Variants in NDEL1 observed in about 807,000 individuals in gnomAD.
NDEL1 encodes nudE neurodevelopment protein 1 like 1, also known as nuclear distribution protein nudE-like 1.
NDEL1 carries 9 observed loss-of-function variants against 45.7 expected under a neutral mutation model. That is an observed-to-expected ratio of 0.20 (90% CI 0.12 to 0.34). The LOEUF is 0.34. Ranked by LOEUF, NDEL1 falls within the 10% of genes least tolerant of loss-of-function variation. The pLI is 1.00. For synonymous variants in NDEL1, 133 were observed against 158.6 expected, an observed-to-expected ratio of 0.84 and a Z score of 1.21; for missense variants, 306 against 406.2, an observed-to-expected ratio of 0.75 and a Z score of 2.12.
downstream of NDEL1, among the ~76,000 whole-genome samples, chr17:8,469,725 A>G: frequency 7.1e-6 from 1 of 141,362 alleles, no homozygotes; most frequent in Admixed American, 7.2e-5. Flanking sequence ...TTTTTTTGAG[A>G]TGGAGTCTCG....
intron 1 of NDEL1, among the ~76,000 whole-genome samples, chr17:8,422,070 A>C (rs1052283195): frequency 1.3e-5 from 2 of 152,208 alleles, no homozygotes; most frequent in African/African-American, 4.8e-5. Flanking sequence ...CTGGGTTCTC[A>C]CACCAGTGTG....
intron 7 of NDEL1, among the ~76,000 whole-genome samples, chr17:8,456,083 T>C (rs1445095437): frequency 6.6e-6 from 1 of 152,216 alleles, no homozygotes. Flanking sequence ...CCTTCACTTA[T>C]TTTCGTGTGT....
intron 6 of NDEL1, among the ~76,000 whole-genome samples, chr17:8,453,640 G>A (rs916991262): frequency 6.6e-6 from 1 of 152,148 alleles, no homozygotes; most frequent in Non-Finnish European, 1.5e-5. Context: ...CTATGATTCT[G>A]AATGGGAAGA....
upstream of NDEL1, among the ~76,000 whole-genome samples, chr17:8,433,075 G>A (rs567266043): frequency 6.7e-6 from 1 of 149,362 alleles, no homozygotes; most frequent in Non-Finnish European, 1.5e-5. Context: ...GTAAAGCGAA[G>A]TTTCATTCTT....
At chr17:8,463,150 C>CTT (rs201858278) in intron 8 of NDEL1, 3 of 528,484 alleles carry the variant, frequency 5.7e-6, no homozygotes, top group Non-Finnish European at 6.8e-6. Flanking sequence ...CAAAAACACT[C>CTT]TTTTTTTTCC....
chr17:8,471,242 C>T (rs534972643), downstream of NDEL1, among the ~76,000 whole-genome samples: 5 of 152,348 alleles, frequency 3.3e-5, no homozygotes, highest in South Asian at 2.1e-4. Context: ...GCTCTGCCTC[C>T]GAGGTTCAAG....
At chr17:8,451,794 A>G (rs942531449) in intron 6 of NDEL1, among the ~76,000 whole-genome samples, 2 of 151,766 alleles carry the variant, frequency 1.3e-5, no homozygotes, top group African/African-American at 2.4e-5. Flanking sequence ...TTTCCACCCT[A>G]TATTGAAGCT....
At position 8,467,356 on chromosome 17, in the gene NDEL1, G is replaced by A. The variant is rs967872320; in HGVS notation, c.*333G>A. On this transcript the variant is annotated 3_prime_UTR_variant, in exon 9 of 9. Coordinates refer to ENST00000334527, the MANE Select transcript of NDEL1 (RefSeq NM_030808.5). The surrounding 1 kb of genome is among the most constrained non-coding windows in gnomAD (Gnocchi z 6.3). ...ACACCTGCCCCATAGCCCCCACTCTGCTGTACTGATAGGATTTAGTTGTGT... is the reference window on the plus strand; with the variant it reads ...ACACCTGCCCCATAGCCCCCACTCTACTGTACTGATAGGATTTAGTTGTGT... The A allele has an allele frequency of 1.0e-5, 5 of 497,424 alleles. No individual in the cohort carries two copies. Among genetic ancestry groups the A allele is most frequent in the Non-Finnish European group, 1.8e-5 (5 of 284,674 alleles). 30.8% of individuals were successfully genotyped at this position (497,424 alleles called of 1,614,324 possible).
intron 7 of NDEL1, among the ~76,000 whole-genome samples, chr17:8,458,518 A>G (rs1210360491): frequency 6.6e-6 from 1 of 151,110 alleles, no homozygotes; most frequent in Non-Finnish European, 1.5e-5. Context: ...CGTGTCTTGA[A>G]TATAGGAATT....
chr17:8,425,344 AG>A (rs1185596999), intron 1 of NDEL1, among the ~76,000 whole-genome samples: 3 of 152,250 alleles, frequency 2.0e-5, no homozygotes, highest in Non-Finnish European at 2.9e-5. Flanking sequence ...GCACTTTGGG[AG>A]GCCAAGGTGG....
intron 1 of NDEL1, among the ~76,000 whole-genome samples, chr17:8,413,527 C>A (rs1250498780): frequency 6.6e-6 from 1 of 152,154 alleles, no homozygotes; most frequent in African/African-American, 2.4e-5. Flanking sequence ...ATTCTGATCA[C>A]CTTGATTTGG....
At chr17:8,435,478 A>G (rs1477181856), upstream of NDEL1, among the ~76,000 whole-genome samples, 1 of 152,222 alleles carries the variant, frequency 6.6e-6, no homozygotes, top group African/African-American at 2.4e-5. Context: ...GATGCTTAGA[A>G]TGCTCCTGAT....
rs750371065 is a variant in NDEL1, at chr17:8,467,190, G to A, written c.*167G>A. 5 of 651,434 alleles carry A rather than the reference G, an allele frequency of 7.7e-6. No homozygotes were observed. Among genetic ancestry groups the A allele is most frequent in the Admixed American group, 5.5e-5 (2 of 36,186 alleles). 40.4% of individuals were successfully genotyped at this position (651,434 alleles called of 1,614,324 possible). A position where few individuals can be genotyped will look rare whatever the true frequency, so the allele number is the denominator to read the frequency against. ...CGGCTACTGGGCCCTGCCCAGCCCC[G>A]GAACTCTGCGCGATATCAATACTGG... On this transcript the variant is annotated 3_prime_UTR_variant, in exon 9 of 9. Coordinates refer to ENST00000334527, the MANE Select transcript of NDEL1 (RefSeq NM_030808.5). The surrounding 1 kb of genome is among the most constrained non-coding windows in gnomAD (Gnocchi z 6.3).
rs1382541537 is a variant in NDEL1, at chr17:8,444,375, A to G, written c.86+18A>G. The stretch of plus-strand genomic sequence containing the variant: ...AAGCAAAGGTAATGTTGGAAAGCAC[A>G]CTAAAAGTAGGGGAGGGCATTTGGA... On this transcript the variant is annotated intron_variant, in intron 2 of 8. Transcript: ENST00000334527. The G allele has an allele frequency of 6.4e-7, 1 of 1,568,766 alleles. No homozygotes were observed. Among genetic ancestry groups the G allele is most frequent in the Non-Finnish European group, 8.8e-7 (1 of 1,141,364 alleles).
intron 1 of NDEL1, among the ~76,000 whole-genome samples, chr17:8,421,568 G>A (rs1343274480): frequency 6.6e-6 from 1 of 152,096 alleles, no homozygotes; most frequent in Non-Finnish European, 1.5e-5. Flanking sequence ...AACGCTGCCC[G>A]ACACCTTGAT....
chr17:8,428,708 C>T (rs1221550301), intron 1 of NDEL1, among the ~76,000 whole-genome samples: 4 of 150,856 alleles, frequency 2.7e-5, no homozygotes, highest in Middle Eastern at 3.3e-3. Flanking sequence ...GATGGAGTCT[C>T]TTTCACCCAG....
chr17:8,445,279 T>C (rs1910009035), intron 2 of NDEL1, among the ~76,000 whole-genome samples: 1 of 152,228 alleles, frequency 6.6e-6, no homozygotes, highest in Non-Finnish European at 1.5e-5. Flanking sequence ...ATGTAATAAC[T>C]ACCTAATTTT....
chr17:8,445,727 G>T lies in NDEL1; in HGVS notation c.103G>T (p.Asp35Tyr). 6.3e-7 allele frequency: 1 copy of T among 1,594,548 alleles called. No homozygotes were observed. The highest frequency in any genetic ancestry group is 8.5e-7 in the Non-Finnish European group (1 of 1,173,042). ...TCTGATTAGCTTCCAGGAAGCTCGG[G>T]ATGAGCTAGTTGAATTCCAGGAAGG... Reference protein sequence around the residue: ...KYKQSFQEARDELVEFQEGSR... With the variant: ...KYKQSFQEARYELVEFQEGSR... Residue 35 changes from aspartate (D) to tyrosine (Y), a missense_variant, in exon 3 of 9, where the codon GAT becomes TAT. By Grantham distance (160) the Asp-to-Tyr change is radical (BLOSUM62 -3). This residue lies in a region of NDEL1 where 112 missense variants were observed against 148.3 expected (regional missense o/e 0.76). Coordinates refer to ENST00000334527, the MANE Select transcript of NDEL1 (RefSeq NM_030808.5).
chr17:8,431,464 G>A (rs189344265), upstream of NDEL1: 1 of 152,384 alleles, frequency 6.6e-6, no homozygotes, highest in East Asian at 1.9e-4. Flanking sequence ...TGAGGACTGA[G>A]GGAGGGAAAG....
Sources: gnomAD v4.1 joint callset for allele counts (sites outside exome capture counted in the v4.1 genomes callset) on GRCh38, gnomAD v4.1.1 for gene constraint, gnomAD v4.1.1 regional missense constraint, Gnocchi (gnomAD v3.1) non-coding constraint, MANE v1.5 for transcripts, NCBI Gene and HGNC (gene_info 2026-07-23, HGNC 2026-07-21) for gene names.